Variants in ADAMTS16 observed in about 807,000 individuals in gnomAD.
The protein encoded by ADAMTS16 is A disintegrin and metalloproteinase with thrombospondin motifs 16.
A neutral mutation model predicts 145.8 loss-of-function variants in ADAMTS16; 94 were observed. The ratio of observed to expected loss-of-function variants is 0.64; its 90% CI spans 0.55 to 0.77. The LOEUF (loss-of-function observed/expected upper bound fraction) is 0.77. Ranked by LOEUF, ADAMTS16 falls within the 30% of genes least tolerant of loss-of-function variation. ADAMTS16 has a pLI of 0.00. For missense variants in ADAMTS16, 1,585 were observed against 1,591.5 expected (o/e 1.00, Z 0.07); for synonymous variants, 659 against 604.3 (o/e 1.09, Z -1.33).
chr5:5,219,451 T>C (rs1411903911), intron 10 of ADAMTS16, among the ~76,000 whole-genome samples: 1 of 152,236 alleles, frequency 6.6e-6, no homozygotes, highest in Non-Finnish European at 1.5e-5. Flanking sequence ...ATCCATTTTT[T>C]CACTTCCACG....
intron 3 of ADAMTS16, among the ~76,000 whole-genome samples, chr5:5,168,693 T>A (rs1230722727): frequency 1.5e-5 from 2 of 131,010 alleles, no homozygotes; most frequent in African/African-American, 2.9e-5. Flanking sequence ...TATAATTATA[T>A]AAATATAATA....
intron 18 of ADAMTS16, among the ~76,000 whole-genome samples, chr5:5,275,371 T>C (rs992331582): frequency 4.6e-5 from 7 of 152,164 alleles, no homozygotes; most frequent in African/African-American, 1.7e-4. Flanking sequence ...ACAATGGGAG[T>C]TTGTTATAAA....
chr5:5,307,922 G>A (rs1740250282), intron 21 of ADAMTS16, among the ~76,000 whole-genome samples: 1 of 152,174 alleles, frequency 6.6e-6, no homozygotes, highest in Admixed American at 6.5e-5. Flanking sequence ...GCAGACAGAG[G>A]TTGCATTTCC....
At chr5:5,147,077 GCC>G (rs1734318686) in intron 3 of ADAMTS16, among the ~76,000 whole-genome samples, 1 of 152,142 alleles carries the variant, frequency 6.6e-6, no homozygotes, top group Non-Finnish European at 1.5e-5. Flanking sequence ...GGACGCTAGA[GCC>G]GGGGGCTTAT....
At chr5:5,140,823 G>A (rs1734143917) in intron 2 of ADAMTS16, 57 bp downstream of exon 2, 3 of 1,464,618 alleles carry the variant, frequency 2.0e-6, no homozygotes, top group East Asian at 2.6e-5. Context: ...CGTAATCTCC[G>A]TGCCGCTGGT....
chr5:5,303,182 C>A, intron 18 of ADAMTS16, 86 bp from the exon 19 acceptor site: 4 of 1,364,500 alleles, frequency 2.9e-6, no homozygotes, highest in Non-Finnish European at 3.9e-6. Flanking sequence ...TGGGAAATCG[C>A]GCCGCTGCCT....
intron 18 of ADAMTS16, among the ~76,000 whole-genome samples, chr5:5,271,111 A>G (rs1738454874): frequency 6.6e-6 from 1 of 152,210 alleles, no homozygotes; most frequent in South Asian, 2.1e-4. Flanking sequence ...TAAATGAAAA[A>G]GGAAACCTGC....
chr5:5,256,734 G>A (rs1348254026), intron 17 of ADAMTS16, among the ~76,000 whole-genome samples: 2 of 152,194 alleles, frequency 1.3e-5, no homozygotes, highest in Admixed American at 6.5e-5. Flanking sequence ...ATAAAGGCAT[G>A]ACTCTTTGTT....
At chr5:5,209,572 A>G (rs1467954) in intron 10 of ADAMTS16, among the ~76,000 whole-genome samples, 104,282 of 151,986 alleles carry the variant, frequency 0.69, 36,023 homozygotes, top group East Asian at 0.88. Flanking sequence ...TTTTTAAATG[A>G]TTTTAAAAAA....
In ADAMTS16 at chr5:5,280,583, GTC is replaced by G. The variant is rs919223432; in HGVS notation, c.2789+17804_2789+17805del. ...GGCTGAGGTTGGTATCCCCAAGTCA[GTC>G]TCTGCAATGGGAACCTCCTTCCTGG... On this transcript the variant is annotated intron_variant, in intron 18 of 22. Transcript: ENST00000274181. 2.5e-4 allele frequency among the ~76,000 whole-genome samples: 38 copies of G among 152,314 alleles called. 1 individual carries two copies. Among genetic ancestry groups the G allele is most frequent in the African/African-American group, 8.7e-4 (36 of 41,564 alleles).
chr5:5,239,301 C>T, intron 15 of ADAMTS16, 27 bp downstream of exon 15: 1 of 1,516,720 alleles, frequency 6.6e-7, no homozygotes, highest in Non-Finnish European at 8.8e-7. Context: ...TGCCTGCAAG[C>T]CTTGGGCAAA....
At chr5:5,190,622 G>A (rs1025518108) in intron 7 of ADAMTS16, among the ~76,000 whole-genome samples, 2 of 152,092 alleles carry the variant, frequency 1.3e-5, no homozygotes, top group Non-Finnish European at 2.9e-5. Flanking sequence ...CGGATGGTCT[G>A]TGTAAAACAC....
At position 5,140,841 on chromosome 5, in the gene ADAMTS16, G is replaced by A. The variant is rs1734144640; in HGVS notation, c.175+75G>A. 5.0e-6 allele frequency: 7 copies of A among 1,404,274 alleles called. No individual in the cohort carries two copies. The Admixed American group carries it at 1.2e-4, about 23-fold the overall frequency. The allele number at this position is 1,404,274 out of a possible 1,614,324, so 87.0% of individuals were successfully genotyped here. A position where few individuals can be genotyped will look rare whatever the true frequency, so the allele number is the denominator to read the frequency against. ...AATCTCCGTGCCGCTGGTTTATTAG[G>A]TGCTGTGAATGTTCACGACTCTGTG... On this transcript the variant is annotated intron_variant, in intron 2 of 22. Coordinates refer to ENST00000274181, the MANE Select transcript of ADAMTS16 (RefSeq NM_139056.4).
Position 5,303,655 on chromosome 5 carries a change from G to A in ADAMTS16, c.3075G>A (p.Leu1025=). Reference sequence around the variant, plus strand: ...ACCCCTCGGCCAGAGCGCAGCTGCTGCCCGACGCTGTCTGCACCTCCGAGC... The same window carrying A: ...ACCCCTCGGCCAGAGCGCAGCTGCTACCCGACGCTGTCTGCACCTCCGAGC... ...STNPSARAQL[L]PDAVCTSEPK... The change falls in exon 20 of 23, where the codon CTG becomes CTA. Residue 1025 remains leucine, a synonymous_variant. Coordinates refer to ENST00000274181, the MANE Select transcript of ADAMTS16 (RefSeq NM_139056.4). 3.1e-6 allele frequency: 5 copies of A among 1,613,986 alleles called. No homozygotes were observed. Among genetic ancestry groups the A allele is most frequent in the Non-Finnish European group, 3.4e-6 (4 of 1,180,016 alleles).
chr5:5,152,063 C>G (rs1734478883), intron 3 of ADAMTS16, among the ~76,000 whole-genome samples: 1 of 152,216 alleles, frequency 6.6e-6, no homozygotes, highest in African/African-American at 2.4e-5. Flanking sequence ...TCCTTGCTGT[C>G]ATAAATGGTT....
intron 3 of ADAMTS16, among the ~76,000 whole-genome samples, chr5:5,172,332 A>G (rs1423416767): frequency 6.6e-6 from 1 of 151,686 alleles, no homozygotes; most frequent in Non-Finnish European, 1.5e-5. Flanking sequence ...AAGATGCACC[A>G]TTAGGTTGTT....
intron 2 of ADAMTS16, 61 bp downstream of exon 2, chr5:5,140,827 C>A: frequency 6.9e-7 from 1 of 1,450,402 alleles, no homozygotes; most frequent in South Asian, 1.3e-5. Context: ...ATCTCCGTGC[C>A]GCTGGTTTAT....
chr5:5,293,393 A>G (rs1739405713), intron 18 of ADAMTS16, among the ~76,000 whole-genome samples: 1 of 152,120 alleles, frequency 6.6e-6, no homozygotes, highest in African/African-American at 2.4e-5. Context: ...GAGCTCTTTC[A>G]TGCTGTTTCC....
At chr5:5,239,318 T>A (rs1323426527) in intron 15 of ADAMTS16, 44 bp downstream of exon 15, 1 of 1,506,450 alleles carries the variant, frequency 6.6e-7, no homozygotes, top group Middle Eastern at 1.8e-4. Flanking sequence ...CAAAGAAGAT[T>A]GTAACTGGGG....
Sources: gnomAD v4.1 joint callset for allele counts (sites outside exome capture counted in the v4.1 genomes callset) on GRCh38, gnomAD v4.1.1 for gene constraint, MANE v1.5 for transcripts, NCBI Gene and HGNC (gene_info 2026-07-23, HGNC 2026-07-21) for gene names.